The following PRDM2 variants were observed in gnomAD, a reference collection of about 807,000 sequenced individuals.
PRDM2 encodes PR/SET domain 2.
Under a neutral mutation model 130.0 loss-of-function variants are expected in PRDM2, and 30 were observed. The observed-to-expected ratio is 0.23, with a 90% confidence interval of 0.17 to 0.31. The LOEUF (loss-of-function observed/expected upper bound fraction) is 0.31. Among genes scored for constraint, PRDM2 ranks in the 10% least tolerant of loss-of-function variants. The probability of loss-of-function intolerance (pLI) is 1.00; values close to 1 mark genes in which losing one functional copy is unlikely to be tolerated. For missense variants in PRDM2, 2,011 were observed against 2,108.4 expected (o/e 0.95, Z 0.90); for synonymous variants, 871 against 782.4 (o/e 1.11, Z -1.89).
chr1:13,702,087 C>T (rs1419713774), intron 1 of PRDM2, among the ~76,000 whole-genome samples: 1 of 152,186 alleles, frequency 6.6e-6, no homozygotes, highest in Non-Finnish European at 1.5e-5. Context: ...TTCCCCTCTT[C>T]AGATAACCAT....
chr1:13,731,403 G>A (rs1406364426), intron 3 of PRDM2, among the ~76,000 whole-genome samples: 1 of 152,076 alleles, frequency 6.6e-6, no homozygotes, highest in Non-Finnish European at 1.5e-5. Context: ...GAGTCTCCCT[G>A]CTGAGCCTCA....
intron 2 of PRDM2, among the ~76,000 whole-genome samples, chr1:13,719,526 G>A (rs929362498): frequency 5.3e-5 from 8 of 152,174 alleles, no homozygotes; most frequent in African/African-American, 1.9e-4. Context: ...GCAAGAGTGT[G>A]GTGATAACGT....
chr1:13,719,066 G>A (rs1329007838), intron 2 of PRDM2, among the ~76,000 whole-genome samples: 3 of 152,178 alleles, frequency 2.0e-5, no homozygotes, highest in Non-Finnish European at 2.9e-5. Context: ...AAAGCAGGAA[G>A]ACAAGCAAGG....
intron 8 of PRDM2, among the ~76,000 whole-genome samples, chr1:13,808,527 T>C (rs1292472972): frequency 6.6e-6 from 1 of 151,632 alleles, no homozygotes; most frequent in East Asian, 1.9e-4. Flanking sequence ...ATGTCTAGGA[T>C]TGAGGACTAC....
At chr1:13,818,568 G>A (rs1400718275) in intron 9 of PRDM2, among the ~76,000 whole-genome samples, 1 of 146,926 alleles carries the variant, frequency 6.8e-6, no homozygotes, top group Non-Finnish European at 1.5e-5. Context: ...TTGTATTTTA[G>A]TAGAGACGGG....
At chr1:13,793,734 A>T (rs1644878806) in intron 8 of PRDM2, among the ~76,000 whole-genome samples, 1 of 152,194 alleles carries the variant, frequency 6.6e-6, no homozygotes, top group South Asian at 2.1e-4. Context: ...AGGGATGTCC[A>T]ATCTTTTGGC....
At position 13,781,613 on chromosome 1, in the gene PRDM2, TA is replaced by T; in HGVS notation, c.3823del (p.Ile1275Ter). On this transcript the variant is annotated frameshift_variant, in exon 8 of 10. Coordinates refer to ENST00000311066, the MANE Select transcript of PRDM2 (RefSeq NM_001393986.1). LOFTEE classifies it high-confidence loss of function. This position sits in a 1 kb window ranked among gnomAD's most constrained non-coding sequence, Gnocchi z 6.1. ...TCCTCTGAAGAGCTTTACACGACTA[TA>T]AAAATAATGGCTTCTGGAATAAAGA... Reference protein sequence around the residue: ...NDSSEELYTTIKIMASGIKTK... With the variant: ...NDSSEELYTTXKIMASGIKTK... 6.2e-7 allele frequency: 1 copy of T among 1,613,544 alleles called. No individual in the cohort carries two copies.
At chr1:13,822,206 T>G (rs934715483) in intron 9 of PRDM2, among the ~76,000 whole-genome samples, 1 of 152,086 alleles carries the variant, frequency 6.6e-6, no homozygotes, top group Non-Finnish European at 1.5e-5. Context: ...AGAATGCTGA[T>G]GTGTTATCTA....
rs577463732 is a variant in PRDM2 at position 13,786,245 on chromosome 1, G to A, written c.5036+3414G>A. ...GAAGCAAAATGAAATTCTAGACCAA[G>A]TTTTTCCATTTACCAGGAATTGATT... On this transcript the variant is annotated intron_variant, in intron 8 of 9. Coordinates refer to ENST00000311066, the MANE Select transcript of PRDM2 (RefSeq NM_001393986.1). Among the ~76,000 whole-genome samples, 9 of 148,168 alleles carry A rather than the reference G, an allele frequency of 6.1e-5. No homozygotes were observed. In the South Asian group the frequency reaches 2.0e-3, roughly 33 times the overall value.
rs752445586 is a variant in PRDM2 at position 13,782,481 on chromosome 1, G to A, written c.4686G>A (p.Ser1562=). The change falls in exon 8 of 10, where the codon TCG becomes TCA. Residue 1562 remains serine (S), a synonymous_variant. Transcript: ENST00000311066. ...RSKQNVKFAA[S]VKSKKPSSSS... The stretch of plus-strand genomic sequence containing the variant: ...AGCAGAACGTCAAGTTTGCAGCTTC[G>A]GTGAAATCCAAAAAACCAAGCTCCT... 28 of 1,613,892 alleles carry A rather than the reference G, an allele frequency of 1.7e-5. No homozygotes were observed. Among genetic ancestry groups the A allele is most frequent in the Admixed American group, 6.7e-5 (4 of 59,986 alleles).
At position 13,781,477 on chromosome 1, in the gene PRDM2, A is replaced by G; in HGVS notation, c.3682A>G (p.Thr1228Ala). The change falls in exon 8 of 10, where the codon ACT becomes GCT. Residue 1228 changes from threonine to alanine, a missense_variant. Physicochemically the swap from Thr to Ala is moderately conservative, Grantham distance 58. This residue lies in a region of PRDM2 where 229 missense variants were observed against 364.1 expected (regional missense o/e 0.63). Transcript: ENST00000311066. The surrounding 1 kb of genome is among the most constrained non-coding windows in gnomAD (Gnocchi z 6.1). ...CACACATCACGAGTTTGAAAGCGGG[A>G]CTCTGAGGCCCCAGAACTTTACAGA... ...VCTHHEFESG[T>A]LRPQNFTDPS... 1.9e-6 allele frequency: 3 copies of G among 1,613,452 alleles called. No homozygotes were observed. The highest frequency in any genetic ancestry group is 2.5e-6 in the Non-Finnish European group (3 of 1,179,782).
At chr1:13,702,080 C>G (rs1557587045) in intron 1 of PRDM2, among the ~76,000 whole-genome samples, 1 of 152,086 alleles carries the variant, frequency 6.6e-6, no homozygotes, top group Non-Finnish European at 1.5e-5. Flanking sequence ...CATAACCTTC[C>G]CCTCTTCAGA....
chr1:13,721,249 C>G (rs899329951), intron 2 of PRDM2, among the ~76,000 whole-genome samples: 2 of 152,138 alleles, frequency 1.3e-5, no homozygotes, highest in African/African-American at 2.4e-5. Context: ...GTAGATATGT[C>G]TATTCATAAT....
rs753444944 is a variant in PRDM2, at chr1:13,782,686, A to G, written c.4891A>G (p.Lys1631Glu). The G allele has an allele frequency of 6.2e-7, 1 of 1,614,148 alleles. No homozygotes were observed. Among genetic ancestry groups the G allele is most frequent in the Admixed American group, 1.7e-5 (1 of 60,032 alleles). Residue 1631 changes from lysine to glutamate, a missense_variant, in exon 8 of 10, where the codon AAG becomes GAG. Lys to Glu is a moderately conservative substitution (Grantham distance 56). Transcript: ENST00000311066. The part of the protein sequence containing the change: ...VLQSKSTLAS[K>E]KRTDRFNIKS... ...ACAAAGCAAATCCACCTTGGCGAGTAAGAAAAGAACAGACCGGTTCAATAT... is the reference window on the plus strand; with the variant it reads ...ACAAAGCAAATCCACCTTGGCGAGTGAGAAAAGAACAGACCGGTTCAATAT...
intron 1 of PRDM2, among the ~76,000 whole-genome samples, chr1:13,710,819 G>T (rs1642345828): frequency 6.6e-6 from 1 of 152,188 alleles, no homozygotes; most frequent in Non-Finnish European, 1.5e-5. Context: ...GGGCGCGGTG[G>T]CTCACACCTG....
intron 1 of PRDM2, among the ~76,000 whole-genome samples, chr1:13,711,212 C>T (rs1164554084): frequency 6.6e-6 from 1 of 152,122 alleles, no homozygotes; most frequent in African/African-American, 2.4e-5. Context: ...AAACCTTGGC[C>T]TGGAGATACC....
At chr1:13,810,497 CT>C (rs57728640) in intron 8 of PRDM2, among the ~76,000 whole-genome samples, 3 of 146,740 alleles carry the variant, frequency 2.0e-5, no homozygotes, top group African/African-American at 2.5e-5. Context: ...TTTTTCTTTT[CT>C]TTTTTTTTTG....
At chr1:13,734,448 A>G (rs1379948222) in intron 4 of PRDM2, among the ~76,000 whole-genome samples, 4 of 152,218 alleles carry the variant, frequency 2.6e-5, no homozygotes, top group African/African-American at 9.6e-5. Flanking sequence ...AATGCCATCA[A>G]TATTAAACTT....
At chr1:13,755,391 T>A (rs1308784995) in intron 6 of PRDM2, among the ~76,000 whole-genome samples, 1 of 152,200 alleles carries the variant, frequency 6.6e-6, no homozygotes, top group Non-Finnish European at 1.5e-5. Context: ...CTGTGCCCTA[T>A]TTTTAGGTGG....
Sources: gnomAD v4.1 joint callset for allele counts (sites outside exome capture counted in the v4.1 genomes callset) on GRCh38, gnomAD v4.1.1 for gene constraint, gnomAD v4.1.1 regional missense constraint, Gnocchi (gnomAD v3.1) non-coding constraint, MANE v1.5 for transcripts, NCBI Gene and HGNC (gene_info 2026-07-23, HGNC 2026-07-21) for gene names.